Variants in BTBD9 observed in about 807,000 individuals in gnomAD.
BTBD9 encodes the protein BTB domain containing 9, also known as BTB/POZ domain-containing protein 9.
In BTBD9, 49 loss-of-function variants were observed where a neutral mutation model predicts 64.3. The observed-to-expected ratio is 0.76, with a 90% CI of 0.61 to 0.97. BTBD9 has a LOEUF of 0.97. Among genes scored for constraint, BTBD9 ranks in the 50% least tolerant of loss-of-function variants. The probability of loss-of-function intolerance (pLI) is 0.00; values close to 1 mark genes in which losing one functional copy is unlikely to be tolerated. For missense variants in BTBD9, 598 were observed against 762.1 expected (o/e 0.78, Z 2.53); for synonymous variants, 260 against 274.7 (o/e 0.95, Z 0.53).
intron 6 of BTBD9, among the ~76,000 whole-genome samples, chr6:38,477,167 T>C (rs997907947): frequency 5.9e-5 from 9 of 152,218 alleles, no homozygotes; most frequent in African/African-American, 2.2e-4. Context: ...GGAAATGAAA[T>C]GAGAAAGCTT....
chr6:38,442,612 C>G (rs930433036), intron 6 of BTBD9, among the ~76,000 whole-genome samples: 1 of 150,988 alleles, frequency 6.6e-6, no homozygotes, highest in Non-Finnish European at 1.5e-5. Context: ...GATGTCCCTC[C>G]TGTGAAGAAG....
chr6:38,608,471 AT>A (rs1401346382), intron 1 of BTBD9, among the ~76,000 whole-genome samples: 1 of 152,212 alleles, frequency 6.6e-6, no homozygotes, highest in Non-Finnish European at 1.5e-5. Flanking sequence ...TCTTGCTCAG[AT>A]TTAAATTATA....
chr6:38,454,514 A>ATT (rs1769707362), intron 6 of BTBD9, among the ~76,000 whole-genome samples: 1 of 149,594 alleles, frequency 6.7e-6, no homozygotes, highest in Non-Finnish European at 1.5e-5. Context: ...AATATAATTA[A>ATT]ATATTATATG....
In BTBD9 at chr6:38,352,603, C is replaced by G. The variant is rs189777055; in HGVS notation, c.1155-7510G>C. On this transcript the variant is annotated intron_variant, in intron 6 of 10. Coordinates refer to ENST00000481247, the MANE Select transcript of BTBD9 (RefSeq NM_001099272.2). ...TTAGATAATACAAATGGGGTAAGCTCCTTAATTTTTCTCAATCCCAGGCTC... is the reference window on the plus strand; with the variant it reads ...TTAGATAATACAAATGGGGTAAGCTGCTTAATTTTTCTCAATCCCAGGCTC... Among the ~76,000 whole-genome samples the G allele has an allele frequency of 2.6e-5, 4 of 152,254 alleles. No homozygotes were observed. The East Asian group carries it at 7.7e-4, about 29-fold the overall frequency.
At chr6:38,360,160 C>A (rs1482348869) in intron 6 of BTBD9, among the ~76,000 whole-genome samples, 2 of 152,076 alleles carry the variant, frequency 1.3e-5, no homozygotes, top group Non-Finnish European at 2.9e-5. Context: ...CCAGAAAGAG[C>A]AATTTGGTTT....
At chr6:38,361,405 T>G (rs1195755642) in intron 6 of BTBD9, among the ~76,000 whole-genome samples, 3 of 151,900 alleles carry the variant, frequency 2.0e-5, no homozygotes, top group Non-Finnish European at 4.4e-5. Flanking sequence ...CAAAATTAGC[T>G]AGGAGTGGTG....
chr6:38,229,974 CAA>C (rs1268543289), intron 9 of BTBD9, among the ~76,000 whole-genome samples: 1 of 152,192 alleles, frequency 6.6e-6, no homozygotes, highest in East Asian at 1.9e-4. Flanking sequence ...GAAACACTAA[CAA>C]GACCTTTCTC....
At chr6:38,411,410 A>G (rs1432547128) in intron 6 of BTBD9, among the ~76,000 whole-genome samples, 3 of 152,196 alleles carry the variant, frequency 2.0e-5, no homozygotes, top group Non-Finnish European at 4.4e-5. Flanking sequence ...TTGAAATTGT[A>G]TGTTTATTAT....
chr6:38,339,323 G>C (rs1582256891), intron 7 of BTBD9, among the ~76,000 whole-genome samples: 1 of 152,212 alleles, frequency 6.6e-6, no homozygotes, highest in African/African-American at 2.4e-5. Context: ...TTTCTCTATA[G>C]CTAGCTCCAA....
At position 38,501,846 on chromosome 6, in the gene BTBD9, AAT is replaced by A. The variant is rs368184127; in HGVS notation, c.1154+75752_1154+75753del. On this transcript the variant is annotated intron_variant, in intron 6 of 10. Transcript: ENST00000481247. ...ACTCTCTCCATTAAATTAATTTTTA[AAT>A]AGTTATTTTTCATCAAAAATGATAT... Among the ~76,000 whole-genome samples, 291 of 152,282 alleles carry A rather than the reference AAT, an allele frequency of 1.9e-3. 1 individual carries two copies. The highest frequency in any genetic ancestry group is 6.6e-3 in the African/African-American group (273 of 41,564).
intron 7 of BTBD9, among the ~76,000 whole-genome samples, chr6:38,296,932 T>C (rs1218244404): frequency 6.6e-6 from 1 of 152,194 alleles, no homozygotes; most frequent in Non-Finnish European, 1.5e-5. Context: ...CTAATTCTTA[T>C]GAATGTCTTA....
intron 7 of BTBD9, among the ~76,000 whole-genome samples, chr6:38,328,564 C>T (rs1053120378): frequency 4.6e-5 from 6 of 130,498 alleles, no homozygotes; most frequent in East Asian, 2.6e-4. Flanking sequence ...TTTAAGCCAC[C>T]GTGTGTGTGT....
chr6:38,204,878 G>GT (rs1561869600), intron 9 of BTBD9, among the ~76,000 whole-genome samples: 1 of 152,064 alleles, frequency 6.6e-6, no homozygotes, highest in Non-Finnish European at 1.5e-5. Flanking sequence ...ATAAAAGGAA[G>GT]CATTATTACA....
At chr6:38,416,696 C>G (rs143589142) in intron 6 of BTBD9, among the ~76,000 whole-genome samples, 2,697 of 151,950 alleles carry the variant, frequency 0.018, 48 homozygotes, top group Non-Finnish European at 0.028. Flanking sequence ...TCACACTTAC[C>G]TTATTCACAT....
intron 6 of BTBD9, among the ~76,000 whole-genome samples, chr6:38,399,813 G>A (rs577033172): frequency 3.3e-5 from 5 of 152,028 alleles, no homozygotes; most frequent in Admixed American, 1.3e-4. Context: ...GTGCAACGGC[G>A]CAGTCTCAGC....
chr6:38,389,493 T>G (rs907088077), intron 6 of BTBD9, among the ~76,000 whole-genome samples: 5 of 152,214 alleles, frequency 3.3e-5, no homozygotes, highest in South Asian at 4.1e-4. Flanking sequence ...CCATGCTGGA[T>G]GGCGTTGGGT....
chr6:38,389,486 T>C (rs1766319097), intron 6 of BTBD9, among the ~76,000 whole-genome samples: 1 of 152,230 alleles, frequency 6.6e-6, no homozygotes, highest in South Asian at 2.1e-4. Flanking sequence ...TACAGCCCCA[T>C]GCTGGATGGC....
rs70981538 is a variant in BTBD9, at chr6:38,303,840, GATATATATATATATAT to G, written c.1265-15395_1265-15380del. ...TAATATCTAGCAACTTTAGTTGCTA[GATATATATATATATAT>G]ATATATATATATATATATACACACA... On this transcript the variant is annotated intron_variant, in intron 7 of 10. Coordinates refer to ENST00000481247, the MANE Select transcript of BTBD9 (RefSeq NM_001099272.2). Among the ~76,000 whole-genome samples, 516 of 75,314 alleles carry G rather than the reference GATATATATATATATAT, an allele frequency of 6.9e-3. 6 individuals carry two copies. The highest frequency in any genetic ancestry group is 0.02 in the African/African-American group (477 of 24,456). The allele number at this position is 75,314 out of a possible 152,430, so 49.4% of individuals were successfully genotyped here. A position where few individuals can be genotyped will look rare whatever the true frequency, so the allele number is the denominator to read the frequency against.
At chr6:38,528,572 T>C (rs1773625881) in intron 6 of BTBD9, among the ~76,000 whole-genome samples, 1 of 152,204 alleles carries the variant, frequency 6.6e-6, no homozygotes, top group South Asian at 2.1e-4. Flanking sequence ...TGTCTTAACA[T>C]GGATAACAGC....
Sources: gnomAD v4.1 joint callset for allele counts (sites outside exome capture counted in the v4.1 genomes callset) on GRCh38, gnomAD v4.1.1 for gene constraint, MANE v1.5 for transcripts, NCBI Gene and HGNC (gene_info 2026-07-23, HGNC 2026-07-21) for gene names.